The following HECTD4 variants were observed in gnomAD, a reference collection of about 807,000 sequenced individuals.
The protein encoded by HECTD4 is probable E3 ubiquitin-protein ligase HECTD4.
A neutral mutation model predicts 471.5 loss-of-function variants in HECTD4; 114 were observed. The ratio of observed to expected loss-of-function variants is 0.24; its 90% confidence interval spans 0.21 to 0.28. HECTD4 has a LOEUF of 0.28. Ranked by LOEUF, HECTD4 falls within the 10% of genes least tolerant of loss-of-function variation. The pLI, the probability that HECTD4 is intolerant of heterozygous loss-of-function variation, is 1.00. For synonymous variants in HECTD4, 2,012 were observed against 2,256.0 expected, an observed-to-expected ratio of 0.89 and a Z score of 3.07; for missense variants, 3,866 against 5,651.5, an observed-to-expected ratio of 0.68 and a Z score of 10.13.
intron 53 of HECTD4, 114 bp from the exon 54 acceptor site, chr12:112,203,886 A>T: frequency 1.7e-6 from 1 of 583,852 alleles, no homozygotes; most frequent in Non-Finnish European, 2.7e-6. Context: ...AAATAAAATA[A>T]AATAAAATAG....
chr12:112,303,224 G>T (rs1335061388), intron 7 of HECTD4, among the ~76,000 whole-genome samples: 1 of 152,106 alleles, frequency 6.6e-6, no homozygotes, highest in East Asian at 1.9e-4. Flanking sequence ...CAGGAAGGGG[G>T]CCTGCAGGCC....
At chr12:112,227,443 C>A (rs1342129603) in intron 43 of HECTD4, among the ~76,000 whole-genome samples, 4 of 151,790 alleles carry the variant, frequency 2.6e-5, no homozygotes. Flanking sequence ...CTGGGTGACA[C>A]AGCAAGACTC....
At position 112,239,035 on chromosome 12, in the gene HECTD4, G is replaced by A. The variant is rs762054768; in HGVS notation, c.5290+17C>T. 4 of 1,600,724 alleles carry A rather than the reference G, an allele frequency of 2.5e-6. No individual in the cohort carries two copies. In the South Asian group the frequency reaches 4.5e-5, roughly 18 times the overall value. On this transcript the variant is annotated intron_variant, in intron 34 of 75. Coordinates refer to ENST00000682272, the MANE Select transcript of HECTD4 (RefSeq NM_001388303.1). The surrounding 1 kb of genome is among the most constrained non-coding windows in gnomAD (Gnocchi z 4.9). ...AGAAGAAATCAGTGAGCTCTAGAAA[G>A]GAGTCTGGCATCTCACCTTCCTCTT...
At chr12:112,344,782 G>C (rs2036116929) in intron 1 of HECTD4, among the ~76,000 whole-genome samples, 1 of 151,784 alleles carries the variant, frequency 6.6e-6, no homozygotes, top group South Asian at 2.1e-4. Flanking sequence ...GCCAGGCGTG[G>C]TGGCGCATGC....
chr12:112,199,672 T>C (rs1372730911), intron 55 of HECTD4, among the ~76,000 whole-genome samples: 1 of 152,228 alleles, frequency 6.6e-6, no homozygotes, highest in Non-Finnish European at 1.5e-5. Context: ...GCCAGATCTT[T>C]AGGTTTCAGC....
chr12:112,376,396 G>A lies in HECTD4; in HGVS notation c.177+5556C>T, dbSNP rs533411046. Among the ~76,000 whole-genome samples the A allele has an allele frequency of 6.2e-3, 938 of 151,982 alleles. 11 individuals are homozygous for A. The highest frequency in any genetic ancestry group is 0.021 in the African/African-American group (863 of 41,480). ...CGAGTAGCTGGGACTACAGGCGCCCGCCACCACGCCCGGCTAATTTTTTGT... is the reference window on the plus strand; with the variant it reads ...CGAGTAGCTGGGACTACAGGCGCCCACCACCACGCCCGGCTAATTTTTTGT... On this transcript the variant is annotated intron_variant, in intron 1 of 75. Coordinates refer to ENST00000682272, the MANE Select transcript of HECTD4 (RefSeq NM_001388303.1).
chr12:112,215,122 C>G (rs1255531588), intron 48 of HECTD4, among the ~76,000 whole-genome samples: 1 of 152,118 alleles, frequency 6.6e-6, no homozygotes, highest in African/African-American at 2.4e-5. Flanking sequence ...CACTGCACTC[C>G]AGCCTGAGTG....
chr12:112,235,938 T>C lies in HECTD4; in HGVS notation c.5445-154A>G, dbSNP rs2033493120. On this transcript the variant is annotated intron_variant, in intron 35 of 75. Transcript: ENST00000682272. The surrounding 1 kb of genome is among the most constrained non-coding windows in gnomAD (Gnocchi z 5.0). ...ATGCTTCTGTGAAGAATTAAGAATT[T>C]TGGAAACATTTGATGAAACCAAACA... Among the ~76,000 whole-genome samples, 1 of 152,186 alleles carries C rather than the reference T, an allele frequency of 6.6e-6. No homozygotes were observed. The highest frequency in any genetic ancestry group is 2.1e-4 in the South Asian group (1 of 4,828).
rs763673975 is a variant in HECTD4, at chr12:112,176,687, A to G, written c.11379T>C (p.Ser3793=). The G allele has an allele frequency of 1.2e-6, 2 of 1,613,614 alleles. No homozygotes were observed. The highest frequency in any genetic ancestry group is 8.5e-7 in the Non-Finnish European group (1 of 1,179,618). ...VLNSVSRTAL[S]EKKPTVKPKS... ...TTGGCTTCACAGTTGGCTTCTTCTC[A>G]CTTAAGGCAGTCCTGCTGTAGACCA... Residue 3793 remains serine (S), a synonymous_variant, in exon 65 of 76, where the codon AGT becomes AGC. Coordinates refer to ENST00000682272, the MANE Select transcript of HECTD4 (RefSeq NM_001388303.1).
At position 112,353,626 on chromosome 12, in the gene HECTD4, G is replaced by A. The variant is rs547956362; in HGVS notation, c.177+28326C>T. On this transcript the variant is annotated intron_variant, in intron 1 of 75. Coordinates refer to ENST00000682272, the MANE Select transcript of HECTD4 (RefSeq NM_001388303.1). ...GGGTGGATCACAAGGTCAGGAGTTC[G>A]ATACCAGTCTGGCCAATATGGTAAA... 2.6e-4 allele frequency among the ~76,000 whole-genome samples: 40 copies of A among 152,136 alleles called. 1 individual carries two copies. The Middle Eastern group carries it at 0.014, about 52-fold the overall frequency.
At chr12:112,186,701 C>T (rs1354281954) in intron 60 of HECTD4, among the ~76,000 whole-genome samples, 1 of 124,704 alleles carries the variant, frequency 8.0e-6, no homozygotes, top group Non-Finnish European at 1.7e-5. Context: ...GAGTCTGTCT[C>T]TTATCACCCA....
chr12:112,291,563 C>T (rs1471842440), intron 7 of HECTD4, among the ~76,000 whole-genome samples: 2 of 151,854 alleles, frequency 1.3e-5, no homozygotes, highest in Admixed American at 1.3e-4. Flanking sequence ...TAGTGAGACC[C>T]CCCCATCTTT....
In HECTD4 at chr12:112,382,314, G is replaced by T; in HGVS notation, c.-186C>A. On this transcript the variant is annotated 5_prime_UTR_variant, in exon 1 of 76. Transcript: ENST00000682272. ...CGCCATACCCCCGACCCCGGCCCGG[G>T]AGACCCCGGCCCTGCCGCCGCCGCC... The T allele has an allele frequency of 2.1e-6, 1 of 465,220 alleles. No individual in the cohort carries two copies. 28.8% of individuals were successfully genotyped at this position (465,220 alleles called of 1,614,324 possible).
intron 49 of HECTD4, among the ~76,000 whole-genome samples, chr12:112,210,810 A>G (rs1242852717): frequency 6.6e-6 from 1 of 152,234 alleles, no homozygotes; most frequent in African/African-American, 2.4e-5. Flanking sequence ...CCAACTGATC[A>G]TAACCCAATG....
At chr12:112,262,273 G>A in intron 17 of HECTD4, 1 of 152,212 alleles carries the variant, frequency 6.6e-6, no homozygotes, top group Non-Finnish European at 1.5e-5. Context: ...CACTTTGGGA[G>A]GCCAAGGCAG....
intron 44 of HECTD4, among the ~76,000 whole-genome samples, chr12:112,223,524 A>T (rs1464870353): frequency 2.0e-5 from 3 of 152,054 alleles, no homozygotes; most frequent in Non-Finnish European, 4.4e-5. Context: ...GGATCAACTG[A>T]TTCTTATGCC....
chr12:112,194,768 C>T lies in HECTD4; in HGVS notation c.8749+117G>A, dbSNP rs527977985. 7.1e-5 allele frequency: 67 copies of T among 937,298 alleles called. No homozygotes were observed. The South Asian group carries it at 8.1e-4, about 11-fold the overall frequency. The allele number at this position is 937,298 out of a possible 1,614,324, so 58.1% of individuals were successfully genotyped here. A position where few individuals can be genotyped will look rare whatever the true frequency, so the allele number is the denominator to read the frequency against. On this transcript the variant is annotated intron_variant, in intron 56 of 75. Coordinates refer to ENST00000682272, the MANE Select transcript of HECTD4 (RefSeq NM_001388303.1). This position sits in a 1 kb window ranked among gnomAD's most constrained non-coding sequence, Gnocchi z 4.6. ...CCCAGTTCCTGCGTGCAATTTCTCA[C>T]GTGAGCCTATGCGCACCATGAGGCA...
intron 29 of HECTD4, among the ~76,000 whole-genome samples, chr12:112,246,083 G>A (rs2135583439): frequency 6.6e-6 from 1 of 152,116 alleles, no homozygotes; most frequent in African/African-American, 2.4e-5. Flanking sequence ...AGTGAGCAGA[G>A]ATTGTGCCAC....
At chr12:112,224,594 C>T (rs1593949561) in intron 44 of HECTD4, among the ~76,000 whole-genome samples, 1 of 152,102 alleles carries the variant, frequency 6.6e-6, no homozygotes, top group Non-Finnish European at 1.5e-5. Flanking sequence ...ACATAGGATA[C>T]TATTTAGAAT....
Sources: allele counts gnomAD v4.1 joint callset (sites outside exome capture counted in the v4.1 genomes callset), GRCh38; gene constraint gnomAD v4.1.1; non-coding constraint Gnocchi (gnomAD v3.1); transcripts MANE v1.5; gene names NCBI Gene and HGNC (gene_info 2026-07-23, HGNC 2026-07-21).